Variants in EYA3 observed in about 807,000 individuals in gnomAD.
EYA3 encodes the protein EYA transcriptional coactivator and phosphatase 3, also known as protein phosphatase EYA3.
EYA3 carries 39 observed loss-of-function variants against 80.0 expected under a neutral mutation model. That is an observed-to-expected ratio of 0.49 (90% confidence interval 0.38 to 0.64). The LOEUF (loss-of-function observed/expected upper bound fraction) is 0.64. Ranked by LOEUF, EYA3 falls within the 30% of genes least tolerant of loss-of-function variation. The pLI is 0.00. For missense variants in EYA3, 523 were observed against 676.1 expected (o/e 0.77, Z 2.51); for synonymous variants, 206 against 232.8 (o/e 0.88, Z 1.05).
intron 3 of EYA3, among the ~76,000 whole-genome samples, chr1:28,042,938 G>A (rs984045985): frequency 3.9e-5 from 6 of 152,110 alleles, no homozygotes; most frequent in Admixed American, 3.9e-4. Flanking sequence ...TCCGCCTCCT[G>A]GGTTCAAGCA....
rs753935902 is a variant in EYA3 at position 28,027,799 on chromosome 1, A to G, written c.489T>C (p.Tyr163=). 1.4e-5 allele frequency: 23 copies of G among 1,614,044 alleles called. No individual in the cohort carries two copies. The Admixed American group carries it at 1.7e-4, about 12-fold the overall frequency. Residue 163 remains tyrosine, a synonymous_variant, in exon 7 of 18, where the codon TAT becomes TAC. Transcript: ENST00000373871. ...TSQPSPAHYS[Y]PIQASSTNAS... ...ACCATGCCTATTTACCTTGAATGGG[A>G]TAAGAATAATGTGCTGGGCTTGGCT...
chr1:28,029,174 A>G (rs916966926), intron 6 of EYA3, among the ~76,000 whole-genome samples: 1 of 152,148 alleles, frequency 6.6e-6, no homozygotes, highest in African/African-American at 2.4e-5. Context: ...CTGAGTAACA[A>G]TCTTTCTAAA....
chr1:27,994,491 GCCTCGGCCAACA>G, intron 13 of EYA3, among the ~76,000 whole-genome samples: 1 of 151,898 alleles, frequency 6.6e-6, no homozygotes, highest in Non-Finnish European at 1.5e-5. Context: ...CTGAGGTCCC[GCCTCGGCCAACA>G]TGGTGAAACC....
chr1:28,060,974 A>G (rs1309579963), intron 1 of EYA3, among the ~76,000 whole-genome samples: 1 of 152,226 alleles, frequency 6.6e-6, no homozygotes, highest in Non-Finnish European at 1.5e-5. Context: ...AGATCGCACC[A>G]CTGCACTCCA....
At chr1:28,038,129 G>A (rs1643553282) in intron 5 of EYA3, among the ~76,000 whole-genome samples, 1 of 152,094 alleles carries the variant, frequency 6.6e-6, no homozygotes, top group Non-Finnish European at 1.5e-5. Context: ...GTTCTACTCT[G>A]AGGACATTCC....
chr1:28,023,760 C>T (rs756894293), intron 7 of EYA3, among the ~76,000 whole-genome samples: 1 of 152,142 alleles, frequency 6.6e-6, no homozygotes, highest in Non-Finnish European at 1.5e-5. Flanking sequence ...TATAAAAACA[C>T]AGGAAATCTG....
intron 6 of EYA3, among the ~76,000 whole-genome samples, chr1:28,029,548 G>A (rs982450490): frequency 2.6e-5 from 4 of 151,392 alleles, no homozygotes; most frequent in East Asian, 3.9e-4. Flanking sequence ...CATGGTTTTG[G>A]TGATAATTTT....
intron 1 of EYA3, among the ~76,000 whole-genome samples, chr1:28,086,223 C>CTT (rs5773209): frequency 2.3e-4 from 34 of 146,706 alleles, no homozygotes; most frequent in South Asian, 8.7e-4. Flanking sequence ...GTTGTAATTT[C>CTT]TTTTTTTTTT....
chr1:28,033,662 TA>T (rs751406706), intron 6 of EYA3, among the ~76,000 whole-genome samples: 8,685 of 147,218 alleles, frequency 0.059, 309 homozygotes, highest in Admixed American at 0.073. Flanking sequence ...TTATTATTAT[TA>T]TTATTATTTT....
chr1:28,063,305 A>AT (rs199595508), intron 1 of EYA3, among the ~76,000 whole-genome samples: 9,289 of 75,872 alleles, frequency 0.12, 555 homozygotes, highest in East Asian at 0.36. Flanking sequence ...ATATATATAT[A>AT]TTTTTTTTTA....
At chr1:28,074,832 C>T (rs1645147544) in intron 1 of EYA3, among the ~76,000 whole-genome samples, 1 of 152,082 alleles carries the variant, frequency 6.6e-6, no homozygotes, top group Admixed American at 6.5e-5. Flanking sequence ...AGATTCTTCC[C>T]CTACCAGGTA....
At chr1:28,057,852 T>A (rs1251737117) in intron 2 of EYA3, 142 bp downstream of exon 2, 4 of 501,626 alleles carry the variant, frequency 8.0e-6, no homozygotes, top group Non-Finnish European at 3.4e-6. Flanking sequence ...TAGAAAAATA[T>A]AACATTGTTT....
At chr1:27,997,969 C>A (rs7553480) in intron 12 of EYA3, among the ~76,000 whole-genome samples, 10,336 of 152,164 alleles carry the variant, frequency 0.068, 617 homozygotes, top group East Asian at 0.25. Flanking sequence ...TAGTGAGTGG[C>A]AGAAAGAGAC....
In EYA3 at chr1:27,971,801, G is replaced by A. The variant is rs1638746036; in HGVS notation, c.*2665C>T. 1 of 151,996 alleles carries A rather than the reference G, an allele frequency of 6.6e-6. No individual in the cohort carries two copies. The allele number at this position is 151,996 out of a possible 1,614,324, so 9.4% of individuals were successfully genotyped here. ...TTTCCTTTCCAGATTTTTGTGTTGGGGTGGAGAAAAAGGCAGGGTAATTAC... is the reference window on the plus strand; with the variant it reads ...TTTCCTTTCCAGATTTTTGTGTTGGAGTGGAGAAAAAGGCAGGGTAATTAC... On this transcript the variant is annotated 3_prime_UTR_variant, in exon 18 of 18. Transcript: ENST00000373871.
At position 28,035,728 on chromosome 1, in the gene EYA3, A is replaced by G. The variant is rs1358831707; in HGVS notation, c.225-48T>C. 3.2e-6 allele frequency: 5 copies of G among 1,582,756 alleles called. No individual in the cohort carries two copies. The East Asian group carries it at 1.1e-4, about 35-fold the overall frequency. On this transcript the variant is annotated intron_variant, in intron 5 of 17. Coordinates refer to ENST00000373871, the MANE Select transcript of EYA3 (RefSeq NM_001990.4). Reference sequence around the variant, plus strand: ...AAACTTTTGTGTGATTTACTTTAGTAACGAAAAATAGGTAAAATAGCTACC... The same window carrying G: ...AAACTTTTGTGTGATTTACTTTAGTGACGAAAAATAGGTAAAATAGCTACC...
In EYA3 at chr1:27,992,044, T is replaced by C. The variant is rs149025628; in HGVS notation, c.1303+1356A>G. Among the ~76,000 whole-genome samples the C allele has an allele frequency of 7.5e-3, 1,142 of 152,342 alleles. 10 individuals are homozygous for C. The highest frequency in any genetic ancestry group is 0.051 in the Middle Eastern group (15 of 294). On this transcript the variant is annotated intron_variant, in intron 14 of 17. Transcript: ENST00000373871. ...ATCTGAAAAAAGTAAATTAGATTCC[T>C]GAAGTCTGGAAGCCCATGATTTTTA...
chr1:28,062,657 G>GGTGTGTGT (rs71027260), intron 1 of EYA3, among the ~76,000 whole-genome samples: 5,785 of 141,582 alleles, frequency 0.041, 134 homozygotes, highest in Middle Eastern at 0.066. Context: ...AATATATGTA[G>GGTGTGTGT]GTGTGTGTGT....
intron 17 of EYA3, chr1:27,977,523 A>G: frequency 5.5e-6 from 5 of 913,828 alleles, no homozygotes; most frequent in South Asian, 3.5e-5. Flanking sequence ...TTCTATAGCC[A>G]AGACTCTTTC....
chr1:28,040,337 T>A (rs1454465046), intron 4 of EYA3, among the ~76,000 whole-genome samples: 1 of 152,114 alleles, frequency 6.6e-6, no homozygotes, highest in African/African-American at 2.4e-5. Context: ...GAAGAGTGTA[T>A]GTCACGGGGG....
Sources: allele counts gnomAD v4.1 joint callset (sites outside exome capture counted in the v4.1 genomes callset), GRCh38; gene constraint gnomAD v4.1.1; transcripts MANE v1.5; gene names NCBI Gene and HGNC (gene_info 2026-07-23, HGNC 2026-07-21).